The following TENM2 variants were observed in gnomAD, a reference collection of about 807,000 sequenced individuals.
TENM2 encodes the protein teneurin-2.
A neutral mutation model predicts 245.2 loss-of-function variants in TENM2; 52 were observed. The ratio of observed to expected loss-of-function variants is 0.21; its 90% CI spans 0.17 to 0.27. TENM2 has a LOEUF of 0.27. Ranked by LOEUF, TENM2 falls within the 10% of genes least tolerant of loss-of-function variation. The probability of loss-of-function intolerance (pLI) is 1.00; values close to 1 mark genes in which losing one functional copy is unlikely to be tolerated. For synonymous variants in TENM2, 1,363 were observed against 1,438.9 expected (o/e 0.95, Z 1.19); for missense variants, 3,046 against 3,666.8 (o/e 0.83, Z 4.37).
chr5:167,015,866 T>C, the TENM2 span, among the ~76,000 whole-genome samples: 1 of 152,116 alleles, frequency 6.6e-6, no homozygotes, highest in Non-Finnish European at 1.5e-5. Context: ...AAGACAGTTA[T>C]TTATCTGTCT....
the TENM2 span, among the ~76,000 whole-genome samples, chr5:167,265,524 G>A: frequency 2.6e-5 from 4 of 152,044 alleles, no homozygotes; most frequent in East Asian, 1.9e-4. Context: ...ATTAACTCAA[G>A]TTGGTTTAAT....
intron 2 of TENM2, among the ~76,000 whole-genome samples, chr5:167,698,550 T>C (rs1271965684): frequency 6.6e-6 from 1 of 152,212 alleles, no homozygotes; most frequent in Non-Finnish European, 1.5e-5. Context: ...ACTGCACAGA[T>C]ATACTGTACT....
chr5:167,534,715 C>T (rs1771738181), intron 2 of TENM2, among the ~76,000 whole-genome samples: 1 of 152,062 alleles, frequency 6.6e-6, no homozygotes, highest in African/African-American at 2.4e-5. Context: ...GGAGACGAGA[C>T]CTCGAATGGA....
At position 167,511,723 on chromosome 5, in the gene TENM2, G is replaced by A. The variant is rs76983413; in HGVS notation, c.502+136250G>A. Among the ~76,000 whole-genome samples, 745 of 152,274 alleles carry A rather than the reference G, an allele frequency of 4.9e-3. 19 individuals are homozygous for A. In the East Asian group the frequency reaches 0.051, roughly 10 times the overall value. The stretch of plus-strand genomic sequence containing the variant: ...ATAAGCATTGCAAGAACAAGCCTAA[G>A]CTAAGTTGAAAGAGAGGTGATCAAT... On this transcript the variant is annotated intron_variant, in intron 2 of 28. Coordinates refer to ENST00000518659, the Ensembl canonical transcript of TENM2.
chr5:167,993,044 C>T (rs377232283), exon 5 of TENM2: 20 of 1,613,914 alleles, frequency 1.2e-5, no homozygotes, highest in African/African-American at 4.0e-5. Flanking sequence ...GCCCCCGCCC[C>T]GCCTGCTGCC....
intron 4 of TENM2, among the ~76,000 whole-genome samples, chr5:167,958,655 C>T (rs1162368738): frequency 6.6e-6 from 1 of 152,124 alleles, no homozygotes; most frequent in Non-Finnish European, 1.5e-5. Context: ...CCTTCAGGAG[C>T]TCTTGTAAGG....
At chr5:167,623,180 T>G (rs544208732) in intron 2 of TENM2, among the ~76,000 whole-genome samples, 1 of 152,148 alleles carries the variant, frequency 6.6e-6, no homozygotes, top group South Asian at 2.1e-4. Context: ...GCTTTGAATG[T>G]AGATCATTGA....
intron 1 of TENM2, among the ~76,000 whole-genome samples, chr5:167,288,629 A>G (rs1484632150): frequency 6.6e-6 from 1 of 152,216 alleles, no homozygotes; most frequent in Non-Finnish European, 1.5e-5. Flanking sequence ...TCAGGAGCCA[A>G]TCTAAGCATT....
intron 7 of TENM2, among the ~76,000 whole-genome samples, chr5:168,073,045 A>G (rs1405123978): frequency 6.6e-6 from 1 of 152,128 alleles, no homozygotes; most frequent in African/African-American, 2.4e-5. Context: ...GTGCCTCTCC[A>G]GGGGACACAG....
At chr5:167,586,222 G>A (rs146264431) in intron 2 of TENM2, among the ~76,000 whole-genome samples, 2 of 152,184 alleles carry the variant, frequency 1.3e-5, no homozygotes, top group Non-Finnish European at 2.9e-5. Context: ...ATTATATTAG[G>A]TATTACAAGT....
At chr5:168,090,588 A>G in exon 8 of TENM2, 1 of 1,612,862 alleles carries the variant, frequency 6.2e-7, no homozygotes, top group Non-Finnish European at 8.5e-7. Flanking sequence ...ACTTCATGGA[A>G]CGTCTGGACG....
intron 1 of TENM2, among the ~76,000 whole-genome samples, chr5:167,306,946 A>C (rs934831572): frequency 2.0e-5 from 3 of 152,232 alleles, no homozygotes; most frequent in Non-Finnish European, 4.4e-5. Context: ...TAGTTACTTG[A>C]CCAAGTGCAG....
At chr5:167,559,276 T>G (rs757851791) in intron 2 of TENM2, among the ~76,000 whole-genome samples, 2 of 152,176 alleles carry the variant, frequency 1.3e-5, no homozygotes, top group Non-Finnish European at 2.9e-5. Flanking sequence ...TGTGTCCCCC[T>G]GCAATGTGGA....
the TENM2 span, among the ~76,000 whole-genome samples, chr5:167,087,830 C>T: frequency 2.6e-5 from 4 of 151,730 alleles, no homozygotes; most frequent in East Asian, 7.8e-4. Flanking sequence ...TGCTCTGTTG[C>T]CCAGGCTGGA....
intron 2 of TENM2, among the ~76,000 whole-genome samples, chr5:167,677,103 CTCTT>C (rs1441100452): frequency 1.3e-5 from 2 of 152,122 alleles, no homozygotes; most frequent in Non-Finnish European, 2.9e-5. Context: ...GTCATCAAGT[CTCTT>C]TCTCAGTTCC....
intron 2 of TENM2, among the ~76,000 whole-genome samples, chr5:167,654,233 G>A (rs963615139): frequency 1.3e-5 from 2 of 151,876 alleles, no homozygotes; most frequent in Non-Finnish European, 2.9e-5. Flanking sequence ...AGAGTTATTG[G>A]TAAACTTGCC....
chr5:167,038,731 C>A, the TENM2 span, among the ~76,000 whole-genome samples: 1 of 152,166 alleles, frequency 6.6e-6, no homozygotes, highest in African/African-American at 2.4e-5. Flanking sequence ...TAATTCCGTT[C>A]TTTCAACTTA....
chr5:168,206,375 G>A (rs910745599), intron 19 of TENM2, among the ~76,000 whole-genome samples: 25 of 152,248 alleles, frequency 1.6e-4, no homozygotes, highest in African/African-American at 6.0e-4. Flanking sequence ...AGGCGAGCCA[G>A]GCATGTACTG....
chr5:167,109,691 C>A, the TENM2 span, among the ~76,000 whole-genome samples: 2 of 151,778 alleles, frequency 1.3e-5, no homozygotes, highest in East Asian at 3.9e-4. Context: ...GTGCTATAAA[C>A]CCTTTAATAC....
Sources: gnomAD v4.1 joint callset for allele counts (sites outside exome capture counted in the v4.1 genomes callset) on GRCh38, gnomAD v4.1.1 for gene constraint, MANE v1.5 for transcripts, NCBI Gene and HGNC (gene_info 2026-07-23, HGNC 2026-07-21) for gene names.